The following SMCO4 variants were observed in gnomAD, a reference collection of about 807,000 sequenced individuals.
The protein encoded by SMCO4 is single-pass membrane and coiled-coil domain-containing protein 4.
A neutral mutation model predicts 3.6 loss-of-function variants in SMCO4; 4 were observed. The observed-to-expected ratio is 1.11, with a 90% CI of 0.54 to 2.53. The LOEUF is 2.53. Among genes scored for constraint, SMCO4 ranks in the 30% most tolerant of loss-of-function variants. The pLI, the probability that SMCO4 is intolerant of heterozygous loss-of-function variation, is 0.02. For missense variants in SMCO4, 70 were observed against 80.8 expected (o/e 0.87, Z 0.51); for synonymous variants, 36 against 35.3 (o/e 1.02, Z -0.07).
chr11:93,515,296 G>C (rs947043461), intron 1 of SMCO4, among the ~76,000 whole-genome samples: 1 of 152,152 alleles, frequency 6.6e-6, no homozygotes, highest in African/African-American at 2.4e-5. Context: ...AGAACAATCA[G>C]ATCATTAGTG....
chr11:93,534,898 C>A (rs1406683248), intron 1 of SMCO4, among the ~76,000 whole-genome samples: 1 of 152,214 alleles, frequency 6.6e-6, no homozygotes, highest in Admixed American at 6.5e-5. Context: ...CTCCCCAGAG[C>A]ATCCTGCTAA....
At chr11:93,484,414 G>T (rs866316128) in intron 2 of SMCO4, among the ~76,000 whole-genome samples, 2 of 152,308 alleles carry the variant, frequency 1.3e-5, no homozygotes, top group South Asian at 2.1e-4. Flanking sequence ...AGGAACACAG[G>T]TTTGAAGTCA....
chr11:93,546,503 T>G (rs146929298), upstream of SMCO4, among the ~76,000 whole-genome samples: 31 of 152,308 alleles, frequency 2.0e-4, no homozygotes, highest in Admixed American at 7.2e-4. Flanking sequence ...CATGGTTTTA[T>G]CATAGATCAC....
intron 1 of SMCO4, among the ~76,000 whole-genome samples, chr11:93,540,179 T>A (rs1003261621): frequency 6.6e-6 from 1 of 152,200 alleles, no homozygotes; most frequent in East Asian, 1.9e-4. Context: ...AAAAGTACTT[T>A]AAGCCTTTTC....
intron 1 of SMCO4, among the ~76,000 whole-genome samples, chr11:93,512,998 G>A (rs371013105): frequency 2.0e-5 from 3 of 152,200 alleles, no homozygotes; most frequent in Admixed American, 6.5e-5. Context: ...CGGCAGGCCC[G>A]AGAGGTGTGG....
At chr11:93,492,001 G>A (rs931018788) in intron 2 of SMCO4, among the ~76,000 whole-genome samples, 4 of 152,184 alleles carry the variant, frequency 2.6e-5, no homozygotes, top group Non-Finnish European at 5.9e-5. Context: ...CTAAATTACA[G>A]TAAGTTAATT....
At chr11:93,496,397 G>A (rs1285583656) in intron 2 of SMCO4, among the ~76,000 whole-genome samples, 2 of 152,080 alleles carry the variant, frequency 1.3e-5, no homozygotes, top group Non-Finnish European at 2.9e-5. Flanking sequence ...TAACAACTAC[G>A]TACCTTAATA....
At chr11:93,513,594 GC>G (rs1283279203) in intron 1 of SMCO4, among the ~76,000 whole-genome samples, 2 of 152,206 alleles carry the variant, frequency 1.3e-5, no homozygotes, top group South Asian at 2.1e-4. Flanking sequence ...ATGCTCTCAA[GC>G]CTCTGGATTG....
At chr11:93,526,168 A>C (rs12789912) in intron 1 of SMCO4, among the ~76,000 whole-genome samples, 22,559 of 152,142 alleles carry the variant, frequency 0.15, 1,752 homozygotes, top group Non-Finnish European at 0.17. Context: ...TCAAGCACAG[A>C]AAGGGTCCAA....
chr11:93,514,115 A>G (rs1948983336), intron 1 of SMCO4, among the ~76,000 whole-genome samples: 2 of 152,026 alleles, frequency 1.3e-5, no homozygotes, highest in South Asian at 4.1e-4. Context: ...ATGATTCCAC[A>G]TGATGGAACT....
intron 1 of SMCO4, among the ~76,000 whole-genome samples, chr11:93,502,959 C>T (rs949786627): frequency 7.9e-5 from 12 of 152,136 alleles, no homozygotes; most frequent in African/African-American, 2.9e-4. Context: ...AATTTGTATA[C>T]CAACTCAAGG....
intron 1 of SMCO4, among the ~76,000 whole-genome samples, chr11:93,528,900 T>C (rs1482010208): frequency 6.6e-6 from 1 of 152,062 alleles, no homozygotes; most frequent in Non-Finnish European, 1.5e-5. Flanking sequence ...AGGGCCCACA[T>C]CCAATACATC....
chr11:93,506,688 G>A (rs1218444132), intron 1 of SMCO4, among the ~76,000 whole-genome samples: 2 of 151,990 alleles, frequency 1.3e-5, no homozygotes, highest in South Asian at 2.1e-4. Flanking sequence ...TGATCCAACC[G>A]CCTCGGCCTC....
chr11:93,532,437 T>TA (rs1441426025), intron 1 of SMCO4, among the ~76,000 whole-genome samples: 1 of 152,218 alleles, frequency 6.6e-6, no homozygotes, highest in Non-Finnish European at 1.5e-5. Context: ...AACTGAGACT[T>TA]ACACCATCAG....
rs1948893418 is a variant in SMCO4 at position 93,505,820 on chromosome 11, CGTTT to C, written c.-153-6476_-153-6473del. Among the ~76,000 whole-genome samples the C allele has an allele frequency of 2.0e-5, 3 of 151,900 alleles. No individual in the cohort carries two copies. In the South Asian group the frequency reaches 6.3e-4, roughly 32 times the overall value. On this transcript the variant is annotated intron_variant, in intron 1 of 2. Transcript: ENST00000298966. ...ATGGGAAATACTAACCTAAACTCTT[CGTTT>C]GTTAAAAAAGAAAAATGTATTAAGC... is the stretch of plus-strand genomic sequence containing the variant.
intron 1 of SMCO4, among the ~76,000 whole-genome samples, chr11:93,506,027 A>G (rs914112699): frequency 1.3e-5 from 2 of 152,148 alleles, no homozygotes; most frequent in African/African-American, 4.8e-5. Flanking sequence ...CACGATTATA[A>G]CCAGAAATGC....
chr11:93,552,512 C>T, the SMCO4 span, among the ~76,000 whole-genome samples: 13,841 of 149,090 alleles, frequency 0.093, 710 homozygotes, highest in African/African-American at 0.11. Flanking sequence ...CGATCTGTTC[C>T]CCAGGCTGTA....
intron 2 of SMCO4, among the ~76,000 whole-genome samples, chr11:93,482,378 T>C (rs1212944399): frequency 2.0e-5 from 3 of 152,200 alleles, no homozygotes; most frequent in African/African-American, 7.2e-5. Context: ...GGATGCTTCT[T>C]AGACATCGTC....
At chr11:93,483,929 A>C (rs992504142) in intron 2 of SMCO4, among the ~76,000 whole-genome samples, 20 of 152,152 alleles carry the variant, frequency 1.3e-4, no homozygotes, top group Non-Finnish European at 7.3e-5. Flanking sequence ...TGCAGAGAGA[A>C]ATAAATGAAG....
Sources: allele counts gnomAD v4.1 joint callset (sites outside exome capture counted in the v4.1 genomes callset), GRCh38; gene constraint gnomAD v4.1.1; transcripts MANE v1.5; gene names NCBI Gene and HGNC (gene_info 2026-07-23, HGNC 2026-07-21).